AGBL1: variants seen among roughly 807,000 people sequenced by gnomAD.
The protein encoded by AGBL1 is cytosolic carboxypeptidase 4.
In AGBL1, 130 loss-of-function variants were observed where a neutral mutation model predicts 118.9. The ratio of observed to expected loss-of-function variants is 1.09; its 90% CI spans 0.95 to 1.26. The LOEUF (loss-of-function observed/expected upper bound fraction) is 1.26. AGBL1 is among the 50% of genes most tolerant of loss of function. The probability of loss-of-function intolerance (pLI) is 0.00; values close to 1 mark genes in which losing one functional copy is unlikely to be tolerated. For missense variants in AGBL1, 1,584 were observed against 1,298.1 expected, an observed-to-expected ratio of 1.22 and a Z score of -3.38; for synonymous variants, 555 against 478.9, an observed-to-expected ratio of 1.16 and a Z score of -2.08.
chr15:86,468,112 G>A (rs1041707958), intron 18 of AGBL1, among the ~76,000 whole-genome samples: 1 of 152,122 alleles, frequency 6.6e-6, no homozygotes, highest in African/African-American at 2.4e-5. Context: ...AGAGTAGGGG[G>A]ACAGATAGGG....
chr15:86,758,961 C>T (rs1485713115), intron 22 of AGBL1, among the ~76,000 whole-genome samples: 4 of 125,038 alleles, frequency 3.2e-5, no homozygotes, highest in African/African-American at 9.3e-5. Context: ...TGACAGACAC[C>T]CTGTCAAAAA....
intron 22 of AGBL1, among the ~76,000 whole-genome samples, chr15:86,832,584 TAGAA>T (rs1382462846): frequency 2.6e-5 from 4 of 152,192 alleles, no homozygotes; most frequent in East Asian, 1.9e-4. Context: ...TGCCAAAACA[TAGAA>T]AGAGTCACAC....
chr15:86,944,480 T>A (rs894346268), intron 23 of AGBL1, among the ~76,000 whole-genome samples: 1 of 152,108 alleles, frequency 6.6e-6, no homozygotes. Flanking sequence ...TGAGCTGAGT[T>A]AGGGGACCAA....
chr15:86,541,785 A>C (rs968308115), intron 19 of AGBL1, among the ~76,000 whole-genome samples: 10 of 152,066 alleles, frequency 6.6e-5, no homozygotes, highest in Admixed American at 2.6e-4. Context: ...AGACTGAGCC[A>C]ATTTTTTTCA....
intron 18 of AGBL1, among the ~76,000 whole-genome samples, chr15:86,446,338 C>T (rs1340515750): frequency 6.6e-6 from 1 of 152,238 alleles, no homozygotes; most frequent in East Asian, 1.9e-4. Flanking sequence ...TCCAGACGCA[C>T]TGCTCTGGTG....
chr15:86,644,535 T>G (rs191251296), intron 21 of AGBL1, among the ~76,000 whole-genome samples: 5 of 152,138 alleles, frequency 3.3e-5, no homozygotes, highest in Non-Finnish European at 7.3e-5. Flanking sequence ...AGATAAGTTT[T>G]GTTTGTTTTT....
chr15:87,016,148 A>G lies in AGBL1; in HGVS notation c.3324-12677A>G, dbSNP rs2081606105. Reference sequence around the variant, plus strand: ...TCACGTCATCATGACAGTCCCCTCCAATTCTTGTTTAAAACGCAAACTCTC... The same window carrying G: ...TCACGTCATCATGACAGTCCCCTCCGATTCTTGTTTAAAACGCAAACTCTC... On this transcript the variant is annotated intron_variant, in intron 24 of 24. Transcript: ENST00000441037. 3.9e-5 allele frequency among the ~76,000 whole-genome samples: 6 copies of G among 152,184 alleles called. No individual in the cohort carries two copies. In the South Asian group the frequency reaches 1.2e-3, roughly 32 times the overall value.
rs575239660 is a variant in AGBL1, at chr15:86,647,439, G to A, written c.2995-26834G>A. 8.5e-5 allele frequency among the ~76,000 whole-genome samples: 13 copies of A among 152,284 alleles called. 1 individual carries two copies. The South Asian group carries it at 1.4e-3, about 17-fold the overall frequency. The stretch of plus-strand genomic sequence containing the variant: ...TATCTGGCTGGGCGCAGCGCCTTAC[G>A]CCTGTAATCCCAGCACTTTGGGAGG... On this transcript the variant is annotated intron_variant, in intron 21 of 22. Transcript: ENST00000614907.
At chr15:86,122,330 CT>C (rs1268935791) in intron 1 of AGBL1, among the ~76,000 whole-genome samples, 3 of 152,150 alleles carry the variant, frequency 2.0e-5, no homozygotes, top group Non-Finnish European at 4.4e-5. Context: ...AAATGTGATT[CT>C]CCTTCAAACT....
At chr15:86,976,823 C>G (rs1160306498) in intron 23 of AGBL1, among the ~76,000 whole-genome samples, 1 of 151,950 alleles carries the variant, frequency 6.6e-6, no homozygotes, top group African/African-American at 2.4e-5. Context: ...CGTATATACG[C>G]ATATTCACCA....
intron 22 of AGBL1, among the ~76,000 whole-genome samples, chr15:86,870,068 C>T (rs1473165949): frequency 2.6e-5 from 4 of 152,126 alleles, no homozygotes; most frequent in East Asian, 1.9e-4. Flanking sequence ...ACTGCAGGGC[C>T]TTTCAGACCC....
intron 18 of AGBL1, among the ~76,000 whole-genome samples, chr15:86,448,322 T>C (rs1395789387): frequency 2.6e-5 from 4 of 152,156 alleles, no homozygotes; most frequent in Admixed American, 6.5e-5. Context: ...TGGGCTACTC[T>C]TGGGTAACTC....
chr15:86,366,784 C>T (rs1043216514), intron 17 of AGBL1, among the ~76,000 whole-genome samples: 12 of 152,240 alleles, frequency 7.9e-5, no homozygotes, highest in East Asian at 1.9e-4. Context: ...TCAGCTCTGT[C>T]GAAACAAACT....
chr15:86,918,127 C>A (rs552974720), downstream of AGBL1, among the ~76,000 whole-genome samples: 2 of 152,312 alleles, frequency 1.3e-5, no homozygotes, highest in Non-Finnish European at 2.9e-5. Flanking sequence ...TTTATTTGGG[C>A]AGTTCATGAA....
intron 16 of AGBL1, among the ~76,000 whole-genome samples, chr15:86,280,954 C>T (rs8031108): frequency 0.029 from 4,432 of 152,246 alleles, 224 homozygotes; most frequent in African/African-American, 0.1. Flanking sequence ...AAGTAATGTG[C>T]GTTGCAAGCT....
chr15:86,890,011 C>T (rs1463655650), intron 22 of AGBL1, among the ~76,000 whole-genome samples: 3 of 152,182 alleles, frequency 2.0e-5, no homozygotes, highest in African/African-American at 7.2e-5. Flanking sequence ...GTAGTCCCAC[C>T]AACAGTGTAA....
At position 86,143,799 on chromosome 15, in the gene AGBL1, C is replaced by T. The variant is rs1218170656; in HGVS notation, c.216C>T (p.Asp72=). The T allele has an allele frequency of 1.9e-6, 3 of 1,613,792 alleles. No homozygotes were observed. The highest frequency in any genetic ancestry group is 1.7e-6 in the Non-Finnish European group (2 of 1,179,820). ...CGAGGACAGCTCCTCCAGACTATGA[C>T]ATCCTCCTGCCTCTCTTCCGGCTGC... is the stretch of plus-strand genomic sequence containing the variant. ...DTARTAPPDY[D]ILLPLFRLLA... Residue 72 remains aspartate (D), a synonymous_variant, in exon 3 of 23, where the codon GAC becomes GAT. Transcript: ENST00000614907.
intron 22 of AGBL1, among the ~76,000 whole-genome samples, chr15:86,906,084 C>T (rs1051222504): frequency 3.9e-5 from 6 of 152,166 alleles, no homozygotes; most frequent in Non-Finnish European, 8.8e-5. Context: ...CTGCTGATTA[C>T]CCATTTTCAT....
chr15:86,401,096 C>G (rs918871371), intron 18 of AGBL1, among the ~76,000 whole-genome samples: 2 of 152,094 alleles, frequency 1.3e-5, no homozygotes, highest in African/African-American at 4.8e-5. Context: ...AAAGTGGTCT[C>G]TTTGCACATC....
Sources: allele counts gnomAD v4.1 joint callset (sites outside exome capture counted in the v4.1 genomes callset), GRCh38; gene constraint gnomAD v4.1.1; transcripts MANE v1.5; gene names NCBI Gene and HGNC (gene_info 2026-07-23, HGNC 2026-07-21).